The following RBFOX1 variants were observed in gnomAD, a reference collection of about 807,000 sequenced individuals.
The protein encoded by RBFOX1 is RNA binding fox-1 homolog 1, also known as RNA binding protein fox-1 homolog 1.
In RBFOX1, 8 loss-of-function variants were observed where a neutral mutation model predicts 57.7. That is an observed-to-expected ratio of 0.14 (90% confidence interval 0.08 to 0.25). The LOEUF (loss-of-function observed/expected upper bound fraction) is 0.25. Among genes scored for constraint, RBFOX1 ranks in the 10% least tolerant of loss-of-function variants. The pLI is 1.00. For missense variants in RBFOX1, 611 were observed against 548.5 expected, an observed-to-expected ratio of 1.11 and a Z score of -1.14; for synonymous variants, 326 against 222.4, an observed-to-expected ratio of 1.47 and a Z score of -4.15.
intron 4 of RBFOX1, among the ~76,000 whole-genome samples, chr16:5,930,372 G>GGATGGATTCACC: frequency 7.3e-6 from 1 of 136,978 alleles, no homozygotes; most frequent in Non-Finnish European, 1.6e-5. Flanking sequence ...GAGGGTGGAT[G>GGATGGATTCACC]GATGGATGCA....
chr16:6,887,424 T>C (rs1462417509), intron 3 of RBFOX1, among the ~76,000 whole-genome samples: 1 of 152,188 alleles, frequency 6.6e-6, no homozygotes, highest in Non-Finnish European at 1.5e-5. Context: ...TTGTATCATC[T>C]GTGGGCTCCA....
intron 3 of RBFOX1, among the ~76,000 whole-genome samples, chr16:5,831,536 C>T (rs1391502898): frequency 6.7e-6 from 1 of 148,488 alleles, no homozygotes; most frequent in Admixed American, 6.7e-5. Context: ...CTTGTCCAGG[C>T]CAGAGTGCAG....
At chr16:6,385,128 A>G (rs554078097) in intron 2 of RBFOX1, among the ~76,000 whole-genome samples, 85 of 152,192 alleles carry the variant, frequency 5.6e-4, no homozygotes, top group Non-Finnish European at 9.7e-4. Context: ...AACCATGTTC[A>G]GCCTCAGCAT....
intron 1 of RBFOX1, among the ~76,000 whole-genome samples, chr16:6,140,100 G>C (rs1331076631): frequency 6.6e-6 from 1 of 152,030 alleles, no homozygotes; most frequent in Non-Finnish European, 1.5e-5. Flanking sequence ...CTGCAGAAGA[G>C]AATCAAGTCT....
chr16:6,366,190 T>C (rs1210237262), intron 2 of RBFOX1, among the ~76,000 whole-genome samples: 2 of 151,992 alleles, frequency 1.3e-5, no homozygotes, highest in Non-Finnish European at 2.9e-5. Context: ...TATGTACGTA[T>C]AAATAAAATT....
intron 1 of RBFOX1, among the ~76,000 whole-genome samples, chr16:5,404,799 G>A (rs956367697): frequency 1.3e-5 from 2 of 152,176 alleles, no homozygotes; most frequent in African/African-American, 4.8e-5. Context: ...CAGCTTGTCA[G>A]AAGTGCTTGA....
intron 1 of RBFOX1, among the ~76,000 whole-genome samples, chr16:5,271,426 T>C (rs1403081082): frequency 1.3e-5 from 2 of 152,244 alleles, no homozygotes; most frequent in Non-Finnish European, 2.9e-5. Flanking sequence ...TCCGACTCAG[T>C]AGGGCTGGGT....
chr16:6,921,807 C>G (rs1460186299), intron 3 of RBFOX1, among the ~76,000 whole-genome samples: 1 of 151,850 alleles, frequency 6.6e-6, no homozygotes, highest in Non-Finnish European at 1.5e-5. Context: ...TGAACATAAT[C>G]ACCATGTAAC....
At chr16:6,363,263 G>A (rs1435470674) in intron 2 of RBFOX1, among the ~76,000 whole-genome samples, 1 of 152,066 alleles carries the variant, frequency 6.6e-6, no homozygotes, top group Non-Finnish European at 1.5e-5. Context: ...ACTTAGTAAA[G>A]CACCTGTTGT....
intron 3 of RBFOX1, among the ~76,000 whole-genome samples, chr16:5,713,759 C>A (rs182154279): frequency 3.0e-4 from 45 of 152,308 alleles, no homozygotes; most frequent in African/African-American, 7.9e-4. Context: ...CAAACTGCCC[C>A]CCTCCCTGGA....
chr16:6,225,063 T>C (rs1386284748), intron 1 of RBFOX1, among the ~76,000 whole-genome samples: 3 of 145,778 alleles, frequency 2.1e-5, no homozygotes, highest in Non-Finnish European at 4.5e-5. Flanking sequence ...CTCCAGGAAT[T>C]TGGGGCTGTC....
chr16:6,995,316 GT>G (rs2092093593), intron 3 of RBFOX1, among the ~76,000 whole-genome samples: 1 of 151,726 alleles, frequency 6.6e-6, no homozygotes, highest in Non-Finnish European at 1.5e-5. Context: ...GTGTGTGTGT[GT>G]GTGTGTGTGT....
intron 1 of RBFOX1, among the ~76,000 whole-genome samples, chr16:6,076,308 A>G (rs1597053407): frequency 6.6e-6 from 1 of 151,858 alleles, no homozygotes; most frequent in South Asian, 2.1e-4. Context: ...TCAAAAAAAA[A>G]AAACAACAAA....
At chr16:5,748,953 T>G (rs2053087697) in intron 3 of RBFOX1, among the ~76,000 whole-genome samples, 1 of 152,208 alleles carries the variant, frequency 6.6e-6, no homozygotes, top group African/African-American at 2.4e-5. Context: ...TTGATGCAGT[T>G]TCTTCTTAGC....
intron 4 of RBFOX1, among the ~76,000 whole-genome samples, chr16:7,198,664 G>A (rs555372052): frequency 6.6e-6 from 1 of 152,276 alleles, no homozygotes; most frequent in South Asian, 2.1e-4. Context: ...CAAGAGGGAA[G>A]AATAGATGAA....
chr16:5,701,586 C>T (rs772075572), intron 3 of RBFOX1, among the ~76,000 whole-genome samples: 1 of 152,186 alleles, frequency 6.6e-6, no homozygotes, highest in South Asian at 2.1e-4. Flanking sequence ...CACTGTACCA[C>T]ACCTGGCTAA....
intron 1 of RBFOX1, among the ~76,000 whole-genome samples, chr16:6,136,836 C>G (rs1423818295): frequency 6.6e-6 from 1 of 152,112 alleles, no homozygotes; most frequent in South Asian, 2.1e-4. Context: ...CTGTGAAACC[C>G]TTTGTATAAT....
intron 1 of RBFOX1, among the ~76,000 whole-genome samples, chr16:5,417,133 G>A (rs1399269063): frequency 6.6e-6 from 1 of 152,206 alleles, no homozygotes; most frequent in Non-Finnish European, 1.5e-5. Flanking sequence ...TAATTAAGAT[G>A]CATATGCCAC....
chr16:6,230,496 A>G (rs557972180), intron 1 of RBFOX1, among the ~76,000 whole-genome samples: 48 of 152,270 alleles, frequency 3.2e-4, no homozygotes, highest in Middle Eastern at 6.8e-3. Context: ...TGTATTAGTC[A>G]GTGTCTGCTG....
Sources: allele counts gnomAD v4.1 joint callset (sites outside exome capture counted in the v4.1 genomes callset), GRCh38; gene constraint gnomAD v4.1.1; transcripts MANE v1.5; gene names NCBI Gene and HGNC (gene_info 2026-07-23, HGNC 2026-07-21).